The following ATP6V1C1 variants were observed in gnomAD, a reference collection of about 807,000 sequenced individuals.
The protein encoded by ATP6V1C1 is V-type proton ATPase subunit C 1.
Under a neutral mutation model 53.9 loss-of-function variants are expected in ATP6V1C1, and 45 were observed. The ratio of observed to expected loss-of-function variants is 0.83; its 90% CI spans 0.66 to 1.07. The LOEUF is 1.07. ATP6V1C1 is among the 50% of genes least tolerant of loss of function. ATP6V1C1 has a pLI of 0.00. For missense variants in ATP6V1C1, 315 were observed against 440.3 expected, an observed-to-expected ratio of 0.72 and a Z score of 2.55; for synonymous variants, 153 against 155.2, an observed-to-expected ratio of 0.99 and a Z score of 0.11.
intron 3 of ATP6V1C1, among the ~76,000 whole-genome samples, chr8:103,043,547 G>C (rs1308346779): frequency 6.6e-6 from 1 of 150,994 alleles, no homozygotes; most frequent in African/African-American, 2.4e-5. Flanking sequence ...TGGTCAGGCT[G>C]ATCTCAAACC....
intron 12 of ATP6V1C1, among the ~76,000 whole-genome samples, chr8:103,068,109 A>G (rs1195145391): frequency 6.6e-6 from 1 of 152,160 alleles, no homozygotes; most frequent in Non-Finnish European, 1.5e-5. Flanking sequence ...CCTTCCAAGT[A>G]GTTGGGACTA....
At chr8:103,063,338 G>A in intron 10 of ATP6V1C1, 110 bp downstream of exon 10, 1 of 696,864 alleles carries the variant, frequency 1.4e-6, no homozygotes, top group African/African-American at 1.8e-5. Context: ...TAAGACATTT[G>A]ATTTTAGTTT....
At chr8:103,064,549 T>C in intron 10 of ATP6V1C1, 165 bp from the exon 11 acceptor site, 1 of 536,906 alleles carries the variant, frequency 1.9e-6, no homozygotes, top group Non-Finnish European at 3.2e-6. Flanking sequence ...TAATTTAAGA[T>C]AAGGTATCTG....
rs1816989518 is a variant in ATP6V1C1, at chr8:103,040,947, G to GT, written c.113dup (p.Asn39GlnfsTer4). The GT allele has an allele frequency of 1.9e-6, 3 of 1,613,840 alleles. No individual in the cohort carries two copies. The highest frequency in any genetic ancestry group is 2.5e-6 in the Non-Finnish European group (3 of 1,179,948). The stretch of plus-strand genomic sequence containing the variant: ...ACAATAATCTTGCTGTCACTTCCAA[G>GT]TTCAATATTCCTGACTTAAAGGTGA... On this transcript the variant is annotated frameshift_variant, in exon 2 of 13. Transcript: ENST00000518738. LOFTEE classifies it high-confidence loss of function.
intron 1 of ATP6V1C1, among the ~76,000 whole-genome samples, chr8:103,032,149 G>A (rs1816809087): frequency 6.6e-6 from 1 of 151,184 alleles, no homozygotes; most frequent in Admixed American, 6.6e-5. Flanking sequence ...TATTTCACAA[G>A]GAAATTGTGT....
At chr8:103,055,319 GT>G (rs1176730189) in intron 7 of ATP6V1C1, among the ~76,000 whole-genome samples, 1 of 152,034 alleles carries the variant, frequency 6.6e-6, no homozygotes, top group Non-Finnish European at 1.5e-5. Context: ...ATAATTCTTT[GT>G]TTTCAATCTC....
chr8:103,041,319 T>C (rs185509514), intron 2 of ATP6V1C1, among the ~76,000 whole-genome samples: 1 of 152,332 alleles, frequency 6.6e-6, no homozygotes, highest in East Asian at 1.9e-4. Context: ...ATTATGCTGA[T>C]TCTTACATTG....
At chr8:103,041,016 A>AATGAT in intron 2 of ATP6V1C1, 48 bp downstream of exon 2, 1 of 1,567,210 alleles carries the variant, frequency 6.4e-7, no homozygotes, top group South Asian at 1.2e-5. Context: ...CATCCAGGGG[A>AATGAT]GGGCCAGTTC....
intron 1 of ATP6V1C1, among the ~76,000 whole-genome samples, chr8:103,037,167 A>C (rs1325518892): frequency 1.3e-5 from 2 of 152,184 alleles, no homozygotes; most frequent in Non-Finnish European, 2.9e-5. Context: ...GATGACAAGA[A>C]GACAGGATAT....
rs1364532957 is a variant in ATP6V1C1, at chr8:103,066,315, T to A, written c.927-6T>A. The A allele has an allele frequency of 4.4e-6, 7 of 1,597,248 alleles. No homozygotes were observed. Among genetic ancestry groups the A allele is most frequent in the Non-Finnish European group, 6.0e-6 (7 of 1,175,662 alleles). ...ATTGCGTACTGTATTTCTGCTTTTT[T>A]GTAAGGTATGGCTTGCCAGTGAACT... On this transcript the variant is annotated splice_region_variant and splice_polypyrimidine_tract_variant and intron_variant, in intron 11 of 12. Transcript: ENST00000518738.
chr8:103,038,073 T>C (rs1249898480), intron 1 of ATP6V1C1, among the ~76,000 whole-genome samples: 1 of 152,178 alleles, frequency 6.6e-6, no homozygotes, highest in Non-Finnish European at 1.5e-5. Context: ...ACTTAGTGGC[T>C]TAAAACAGTG....
intron 12 of ATP6V1C1, among the ~76,000 whole-genome samples, chr8:103,068,127 G>T (rs1196950577): frequency 6.6e-6 from 1 of 152,110 alleles, no homozygotes; most frequent in Non-Finnish European, 1.5e-5. Context: ...CTATAGGCAC[G>T]CAGTACCACT....
chr8:103,061,876 G>T (rs1406029856), intron 8 of ATP6V1C1, among the ~76,000 whole-genome samples: 20 of 152,196 alleles, frequency 1.3e-4, no homozygotes, highest in Admixed American at 1.3e-3. Flanking sequence ...TTCTATACAG[G>T]AGGCACTATA....
rs558766227 is a variant in ATP6V1C1, at chr8:103,063,346, T to G, written c.828+118T>G. The G allele has an allele frequency of 8.7e-4, 406 of 467,140 alleles. 5 individuals carry two copies. The South Asian group carries it at 0.013, about 16-fold the overall frequency. The allele number at this position is 467,140 out of a possible 1,614,324, so 28.9% of individuals were successfully genotyped here. ...TTGGTTTTAAGACATTTGATTTTAG[T>G]TTTTTTTTTTAATTGAATAATCAGA... On this transcript the variant is annotated intron_variant, in intron 10 of 12. Transcript: ENST00000518738.
rs968735871 is a variant in ATP6V1C1 at position 103,063,056 on chromosome 8, A to G, written c.734+9A>G. On this transcript the variant is annotated intron_variant, in intron 9 of 12. Transcript: ENST00000518738. ...AAAGCCAGAGAAAACAAGTAAGATT[A>G]TTGTTTTTTTGTTTATTTACTTTGT... is the stretch of plus-strand genomic sequence containing the variant. The G allele has an allele frequency of 2.5e-6, 4 of 1,613,090 alleles. No homozygotes were observed. In the African/African-American group the frequency reaches 4.0e-5, roughly 16 times the overall value.
chr8:103,053,776 C>A, intron 6 of ATP6V1C1, 108 bp from the exon 7 acceptor site: 3 of 728,494 alleles, frequency 4.1e-6, no homozygotes, highest in South Asian at 1.9e-5. Flanking sequence ...AAGACTAATC[C>A]CTCTCAATGT....
At chr8:103,023,303 G>T (rs896935000) in intron 1 of ATP6V1C1, among the ~76,000 whole-genome samples, 7 of 150,420 alleles carry the variant, frequency 4.7e-5, no homozygotes, top group East Asian at 1.9e-4. Flanking sequence ...TTTTTGGTGG[G>T]GGGGAGATAA....
At chr8:103,042,887 A>G (rs1817026347) in intron 3 of ATP6V1C1, among the ~76,000 whole-genome samples, 1 of 152,134 alleles carries the variant, frequency 6.6e-6, no homozygotes, top group South Asian at 2.1e-4. Context: ...TGCTTAGCAT[A>G]ATGTTTTGAA....
chr8:103,026,588 G>A (rs979685388), intron 1 of ATP6V1C1, among the ~76,000 whole-genome samples: 13 of 152,280 alleles, frequency 8.5e-5, no homozygotes, highest in South Asian at 2.1e-4. Context: ...AAGGGCGGGC[G>A]GATCACTTGA....
Sources: allele counts gnomAD v4.1 joint callset (sites outside exome capture counted in the v4.1 genomes callset), GRCh38; gene constraint gnomAD v4.1.1; transcripts MANE v1.5; gene names NCBI Gene and HGNC (gene_info 2026-07-23, HGNC 2026-07-21).